Variants in BRCC3 observed in about 807,000 individuals in gnomAD.
BRCC3 encodes lys-63-specific deubiquitinase BRCC36.
BRCC3 carries 15 observed loss-of-function variants against 28.0 expected under a neutral mutation model. The observed-to-expected ratio is 0.54, with a 90% CI of 0.36 to 0.82. The LOEUF (loss-of-function observed/expected upper bound fraction) is 0.82. BRCC3 is among the 40% of genes least tolerant of loss of function. BRCC3 has a pLI of 0.01. For missense variants in BRCC3, 109 were observed against 225.9 expected (o/e 0.48, Z 3.32); for synonymous variants, 66 against 80.3 (o/e 0.82, Z 0.95).
intron 3 of BRCC3, among the ~76,000 whole-genome samples, chrX:155,075,123 T>G (rs1353220161): frequency 8.9e-6 from 1 of 112,576 alleles, no homozygotes; most frequent in Admixed American, 9.4e-5. Context: ...TATTTTACAT[T>G]CCTTTTTTCT....
At chrX:155,095,918 C>CTA (rs2074206539) in intron 7 of BRCC3, among the ~76,000 whole-genome samples, 1 of 111,955 alleles carries the variant, frequency 8.9e-6, no homozygotes, top group African/African-American at 3.3e-5. Flanking sequence ...GAGCAATAGG[C>CTA]TATACCATAT....
intron 7 of BRCC3, chrX:155,099,529 A>G: frequency 1.1e-6 from 1 of 888,157 alleles, no homozygotes; most frequent in Non-Finnish European, 1.5e-6. Context: ...TGCCAAGGAG[A>G]CTAGGAAATC....
chrX:155,116,633 G>C, intron 8 of BRCC3, 78 bp from the exon 9 acceptor site: 1 of 616,790 alleles, frequency 1.6e-6, no homozygotes, highest in Non-Finnish European at 2.5e-6. Context: ...AATACAGTTG[G>C]CAACGGTATA....
Position 155,086,500 on chromosome X carries a change from G to A in BRCC3, c.404-2763G>A, listed in dbSNP as rs189957537. Among the ~76,000 whole-genome samples the A allele has an allele frequency of 2.8e-4, 31 of 109,871 alleles. 1 individual carries two copies. In the East Asian group the frequency reaches 6.0e-3, roughly 21 times the overall value. On this transcript the variant is annotated intron_variant, in intron 5 of 10. Coordinates refer to ENST00000330045, the MANE Select transcript of BRCC3 (RefSeq NM_001018055.3). Reference sequence around the variant, plus strand: ...CGAGTAGCTGGGATCACAGGCACGCGCCACCACGCCTGGCTAATTTTTTTT... The same window carrying A: ...CGAGTAGCTGGGATCACAGGCACGCACCACCACGCCTGGCTAATTTTTTTT...
intron 4 of BRCC3, 76 bp from the exon 5 acceptor site, chrX:155,078,540 T>G (rs1416709837): frequency 1.5e-6 from 1 of 666,770 alleles, no homozygotes; most frequent in Non-Finnish European, 2.4e-6. Flanking sequence ...TATTTTAAAC[T>G]TCAGGGTGCT....
chrX:155,100,828 A>G (rs1246011238), intron 7 of BRCC3, among the ~76,000 whole-genome samples: 2 of 112,013 alleles, frequency 1.8e-5, no homozygotes, highest in Non-Finnish European at 3.8e-5. Flanking sequence ...TTTGGAAAAA[A>G]ACTGCATACA....
chrX:155,105,336 A>G (rs1252740806), intron 7 of BRCC3, among the ~76,000 whole-genome samples: 1 of 111,503 alleles, frequency 9.0e-6, no homozygotes, highest in Non-Finnish European at 1.9e-5. Context: ...TACAAAAATT[A>G]GCCAAGTGTG....
chrX:155,099,888 G>A (rs141927348), intron 7 of BRCC3, among the ~76,000 whole-genome samples: 1,768 of 111,267 alleles, frequency 0.016, 34 homozygotes, highest in African/African-American at 0.053. Flanking sequence ...ATTATGTTTT[G>A]CCTTCTGTTT....
intron 5 of BRCC3, among the ~76,000 whole-genome samples, chrX:155,086,620 A>G (rs1237943534): frequency 9.0e-6 from 1 of 111,038 alleles, no homozygotes; most frequent in East Asian, 2.8e-4. Context: ...TGGCCTCCCA[A>G]AGCGCTGCTC....
chrX:155,076,005 G>A (rs1178731932), intron 3 of BRCC3, among the ~76,000 whole-genome samples: 2 of 112,212 alleles, frequency 1.8e-5, no homozygotes, highest in African/African-American at 6.5e-5. Context: ...CCTTTTCTAT[G>A]AAGATTTTTT....
In BRCC3 at chrX:155,071,536, G is replaced by A. The variant is rs782035489; in HGVS notation, c.9G>A (p.Val3=). 25 of 1,203,076 alleles carry A rather than the reference G, an allele frequency of 2.1e-5. No homozygotes were observed. The South Asian group carries it at 4.3e-4, about 21-fold the overall frequency. The change falls in exon 1 of 11, where the codon GTG becomes GTA. Residue 3 remains valine, a synonymous_variant. Coordinates refer to ENST00000330045, the MANE Select transcript of BRCC3 (RefSeq NM_001018055.3). The part of the protein sequence containing the change: MA[V]QVVQAVQAVH... ...AGAAGGGTCGGGCCAAGATGGCGGT[G>A]CAGGTGGTGCAGGCGGTGCAGGCGG...
chrX:155,116,270 C>T, intron 8 of BRCC3, 82 bp downstream of exon 8: 1 of 980,791 alleles, frequency 1.0e-6, no homozygotes, highest in Non-Finnish European at 1.4e-6. Context: ...TCTTTAGCAG[C>T]TCAACTCTTG....
intron 5 of BRCC3, among the ~76,000 whole-genome samples, chrX:155,088,788 A>G (rs1177916124): frequency 8.9e-6 from 1 of 111,793 alleles, no homozygotes; most frequent in Non-Finnish European, 1.9e-5. Flanking sequence ...AGGGGTTTCT[A>G]CTCTCTGGAA....
At chrX:155,082,760 C>G (rs1044591792) in intron 5 of BRCC3, among the ~76,000 whole-genome samples, 1 of 112,467 alleles carries the variant, frequency 8.9e-6, no homozygotes, top group Non-Finnish European at 1.9e-5. Flanking sequence ...GCAAACTACA[C>G]AGAACTTATT....
At chrX:155,092,864 C>T (rs1557295829) in intron 7 of BRCC3, among the ~76,000 whole-genome samples, 6 of 111,143 alleles carry the variant, frequency 5.4e-5, no homozygotes. Flanking sequence ...CTAGTAACTT[C>T]CTAAGAATGG....
In BRCC3 at chrX:155,084,451, C is replaced by T. The variant is rs781903427; in HGVS notation, c.404-4812C>T. On this transcript the variant is annotated intron_variant, in intron 5 of 10. Coordinates refer to ENST00000330045, the MANE Select transcript of BRCC3 (RefSeq NM_001018055.3). ...GATCTCAGCTCACTGCAAGCTCCGC[C>T]TCCCAGGTTCGCGCCATTCTCCTGC... is the stretch of plus-strand genomic sequence containing the variant. 2.7e-5 allele frequency among the ~76,000 whole-genome samples: 3 copies of T among 111,600 alleles called. No homozygotes were observed. In the East Asian group the frequency reaches 8.5e-4, roughly 32 times the overall value.
At position 155,120,063 on chromosome X, in the gene BRCC3, G is replaced by C; in HGVS notation, c.789G>C (p.Glu263Asp). 8.3e-7 allele frequency: 1 copy of C among 1,209,122 alleles called. No homozygotes were observed. The highest frequency in any genetic ancestry group is 1.1e-6 in the Non-Finnish European group (1 of 893,480). The change falls in exon 10 of 11, where the codon GAG becomes GAC. Residue 263 changes from glutamate (E) to aspartate (D), a missense_variant. By Grantham distance (45) the Glu-to-Asp change is conservative. This residue lies in a region of BRCC3 where 50 missense variants were observed against 115.2 expected (regional missense o/e 0.43). Transcript: ENST00000330045. ...AVSGPLLQWL[E>D]DRLEQNQQHL... ...GCGGGCCTCTCCTACAGTGGTTGGA[G>C]GACAGACTGGAGCAAAACCAACAGC...
At chrX:155,087,127 C>T (rs1365608599) in intron 5 of BRCC3, among the ~76,000 whole-genome samples, 1 of 112,118 alleles carries the variant, frequency 8.9e-6, no homozygotes, top group East Asian at 2.8e-4. Flanking sequence ...CAGCTCCTCG[C>T]GGGCAGCGGT....
At chrX:155,077,574 T>C (rs1557293781) in intron 4 of BRCC3, among the ~76,000 whole-genome samples, 1 of 111,644 alleles carries the variant, frequency 9.0e-6, no homozygotes, top group Non-Finnish European at 1.9e-5. Flanking sequence ...CCTAGTCTTC[T>C]CTCCATTCCT....
Sources: gnomAD v4.1 joint callset for allele counts (sites outside exome capture counted in the v4.1 genomes callset) on GRCh38, gnomAD v4.1.1 for gene constraint, gnomAD v4.1.1 regional missense constraint, MANE v1.5 for transcripts, NCBI Gene and HGNC (gene_info 2026-07-23, HGNC 2026-07-21) for gene names.